Variants in LINGO2 observed in about 807,000 individuals in gnomAD.
The protein encoded by LINGO2 is leucine-rich repeat and immunoglobulin-like domain-containing nogo receptor-interacting protein 2.
In LINGO2, 14 loss-of-function variants were observed where a neutral mutation model predicts 30.6. The observed-to-expected ratio is 0.46, with a 90% CI of 0.30 to 0.72. The LOEUF is 0.72. Ranked by LOEUF, LINGO2 falls within the 30% of genes least tolerant of loss-of-function variation. The probability of loss-of-function intolerance (pLI) is 0.07; values close to 1 mark genes in which losing one functional copy is unlikely to be tolerated. For missense variants in LINGO2, 729 were observed against 751.7 expected (o/e 0.97, Z 0.35); for synonymous variants, 317 against 288.5 (o/e 1.10, Z -1.00).
chr9:28,891,894 A>G, the LINGO2 span, among the ~76,000 whole-genome samples: 45 of 152,050 alleles, frequency 3.0e-4, no homozygotes, highest in African/African-American at 1.1e-3. Context: ...TAAGGCACTT[A>G]AAAGTTTATA....
chr9:28,102,795 C>T (rs1294331877), intron 4 of LINGO2, among the ~76,000 whole-genome samples: 1 of 152,066 alleles, frequency 6.6e-6, no homozygotes, highest in East Asian at 1.9e-4. Context: ...TAGCTTGTAC[C>T]TACTATGACT....
At chr9:28,860,559 C>T in the LINGO2 span, among the ~76,000 whole-genome samples, 1 of 151,750 alleles carries the variant, frequency 6.6e-6, no homozygotes. Flanking sequence ...ATAAATCCCT[C>T]TCTCTATAGA....
At chr9:28,845,154 G>C in the LINGO2 span, among the ~76,000 whole-genome samples, 1 of 151,684 alleles carries the variant, frequency 6.6e-6, no homozygotes, top group Non-Finnish European at 1.5e-5. Context: ...AATCATTTAC[G>C]GTAGGAAAAA....
intron 4 of LINGO2, among the ~76,000 whole-genome samples, chr9:28,152,503 T>A (rs1828028875): frequency 6.6e-6 from 1 of 152,134 alleles, no homozygotes; most frequent in African/African-American, 2.4e-5. Context: ...TCTCAATTAT[T>A]TCTTTATAGC....
intron 4 of LINGO2, among the ~76,000 whole-genome samples, chr9:28,044,337 T>G (rs1432571650): frequency 6.6e-6 from 1 of 152,190 alleles, no homozygotes; most frequent in Admixed American, 6.5e-5. Flanking sequence ...TTATATCAAA[T>G]TTTTTAATGA....
At chr9:28,624,982 C>T (rs1826593465) in intron 1 of LINGO2, among the ~76,000 whole-genome samples, 1 of 151,938 alleles carries the variant, frequency 6.6e-6, no homozygotes, top group African/African-American at 2.4e-5. Flanking sequence ...TCCACCCCAG[C>T]TGGTGTCTCC....
the LINGO2 span, among the ~76,000 whole-genome samples, chr9:28,809,745 C>CAAA: frequency 1.5e-4 from 14 of 96,352 alleles, no homozygotes; most frequent in Non-Finnish European, 2.0e-4. Flanking sequence ...GACTCTGTCT[C>CAAA]AAAAAAAAAA....
At chr9:28,554,261 G>A (rs922996673) in intron 1 of LINGO2, among the ~76,000 whole-genome samples, 88 of 151,242 alleles carry the variant, frequency 5.8e-4, no homozygotes, top group Admixed American at 3.3e-4. Context: ...CCCATCTCAC[G>A]TGCAGAGACA....
chr9:28,817,248 G>A, the LINGO2 span, among the ~76,000 whole-genome samples: 5,373 of 151,930 alleles, frequency 0.035, 323 homozygotes, highest in African/African-American at 0.12. Flanking sequence ...AAAAAAAAAA[G>A]GGGGATAGGT....
chr9:28,746,947 T>C, the LINGO2 span, among the ~76,000 whole-genome samples: 1 of 152,148 alleles, frequency 6.6e-6, no homozygotes, highest in East Asian at 1.9e-4. Flanking sequence ...TGAATGACTA[T>C]ATGTCACACA....
intron 4 of LINGO2, among the ~76,000 whole-genome samples, chr9:28,264,946 G>C (rs1281132462): frequency 1.3e-5 from 2 of 151,906 alleles, no homozygotes; most frequent in African/African-American, 2.4e-5. Context: ...AGGTTTCCTA[G>C]AGAAGAAGAA....
At chr9:28,496,368 G>A (rs1276808581) in intron 1 of LINGO2, among the ~76,000 whole-genome samples, 2 of 151,908 alleles carry the variant, frequency 1.3e-5, no homozygotes, top group African/African-American at 4.9e-5. Flanking sequence ...TATATATTTA[G>A]GATAGTTAGC....
chr9:28,462,418 A>G (rs1216551434), intron 2 of LINGO2, among the ~76,000 whole-genome samples: 1 of 149,964 alleles, frequency 6.7e-6, no homozygotes, highest in Non-Finnish European at 1.5e-5. Context: ...TCTAGCTAAA[A>G]AAAAAAAAAA....
rs140200334 is a variant in LINGO2, at chr9:28,656,395, C to A, written c.-365+13805G>T. 3.5e-3 allele frequency among the ~76,000 whole-genome samples: 527 copies of A among 152,034 alleles called. 6 individuals carry two copies. The highest frequency in any genetic ancestry group is 0.012 in the African/African-American group (510 of 41,496). ...GAAAAATCAGTAGTAATCAACTTAA[C>A]CAAATGATTAAAATTAATCGCCCTA... On this transcript the variant is annotated intron_variant, in intron 1 of 5. Transcript: ENST00000379992.
intron 1 of LINGO2, among the ~76,000 whole-genome samples, chr9:28,494,473 T>C (rs1324003163): frequency 6.6e-6 from 1 of 152,192 alleles, no homozygotes; most frequent in Non-Finnish European, 1.5e-5. Context: ...TGATGTTTGT[T>C]TTTTTGTCCC....
the LINGO2 span, among the ~76,000 whole-genome samples, chr9:28,884,927 A>AT: frequency 1.1e-3 from 4 of 3,776 alleles, no homozygotes; most frequent in Non-Finnish European, 2.9e-3. Flanking sequence ...TACTATATAT[A>AT]ATATTATATA....
chr9:28,202,960 C>T (rs1820288596), intron 4 of LINGO2, among the ~76,000 whole-genome samples: 1 of 152,102 alleles, frequency 6.6e-6, no homozygotes, highest in Admixed American at 6.6e-5. Flanking sequence ...CTCTGTAAAG[C>T]AGGGGCTTTG....
At chr9:28,060,901 G>A (rs1389640473) in intron 4 of LINGO2, among the ~76,000 whole-genome samples, 1 of 151,948 alleles carries the variant, frequency 6.6e-6, no homozygotes, top group African/African-American at 2.4e-5. Flanking sequence ...TCTCTTCAGG[G>A]TTTACAGATA....
At chr9:29,180,197 C>A in the LINGO2 span, among the ~76,000 whole-genome samples, 1 of 152,116 alleles carries the variant, frequency 6.6e-6, no homozygotes, top group Non-Finnish European at 1.5e-5. Flanking sequence ...CAATGGAGAG[C>A]AACAAGAATA....
Sources: allele counts gnomAD v4.1 joint callset (sites outside exome capture counted in the v4.1 genomes callset), GRCh38; gene constraint gnomAD v4.1.1; transcripts MANE v1.5; gene names NCBI Gene and HGNC (gene_info 2026-07-23, HGNC 2026-07-21).